The following NEIL3 variants were observed in gnomAD, a reference collection of about 807,000 sequenced individuals.
NEIL3 encodes the protein endonuclease 8-like 3.
NEIL3 carries 48 observed loss-of-function variants against 57.5 expected under a neutral mutation model. That is an observed-to-expected ratio of 0.83 (90% confidence interval 0.66 to 1.06). The LOEUF is 1.06. NEIL3 is among the 50% of genes least tolerant of loss of function. NEIL3 has a pLI of 0.00. For missense variants in NEIL3, 717 were observed against 739.1 expected, an observed-to-expected ratio of 0.97 and a Z score of 0.35; for synonymous variants, 261 against 253.2, an observed-to-expected ratio of 1.03 and a Z score of -0.29.
At chr4:177,324,820 A>ACACTGG in intron 2 of NEIL3, among the ~76,000 whole-genome samples, 1 of 152,270 alleles carries the variant, frequency 6.6e-6, no homozygotes, top group South Asian at 2.1e-4. Context: ...TTGGATGCAT[A>ACACTGG]CAATGCCACA....
At chr4:177,312,269 G>C (rs1734491717) in intron 1 of NEIL3, among the ~76,000 whole-genome samples, 1 of 152,100 alleles carries the variant, frequency 6.6e-6, no homozygotes, top group Non-Finnish European at 1.5e-5. Flanking sequence ...GGCTAAACCA[G>C]GGTTTGATTT....
chr4:177,328,142 G>A (rs1322158360), intron 2 of NEIL3, among the ~76,000 whole-genome samples: 1 of 152,142 alleles, frequency 6.6e-6, no homozygotes, highest in Non-Finnish European at 1.5e-5. Flanking sequence ...TGTATTTGGA[G>A]TTCCAGAAAG....
downstream of NEIL3, among the ~76,000 whole-genome samples, chr4:177,366,151 T>A (rs1461365418): frequency 6.6e-6 from 1 of 152,164 alleles, no homozygotes; most frequent in East Asian, 1.9e-4. Flanking sequence ...GAATATAAAA[T>A]TTTTTTCCTT....
chr4:177,355,162 A>G (rs1735446877), intron 8 of NEIL3, among the ~76,000 whole-genome samples: 1 of 152,196 alleles, frequency 6.6e-6, no homozygotes, highest in Admixed American at 6.5e-5. Flanking sequence ...TTCAGAAAGC[A>G]GCTGACTTAC....
chr4:177,336,385 G>T (rs1344824556), intron 4 of NEIL3, 64 bp downstream of exon 4: 1 of 1,280,690 alleles, frequency 7.8e-7, no homozygotes, highest in African/African-American at 1.5e-5. Context: ...AACCAACGTG[G>T]AAGCCTTAAC....
At chr4:177,344,152 C>T (rs1735162310) in intron 6 of NEIL3, among the ~76,000 whole-genome samples, 1 of 152,004 alleles carries the variant, frequency 6.6e-6, no homozygotes, top group South Asian at 2.1e-4. Flanking sequence ...CCTTGTAATC[C>T]CTCTTCCCTC....
chr4:177,367,389 GTTCT>G (rs71599303), downstream of NEIL3, among the ~76,000 whole-genome samples: 31,741 of 151,818 alleles, frequency 0.21, 4,084 homozygotes, highest in East Asian at 0.69. Context: ...ATGCAGTTCT[GTTCT>G]TTCTTCTGAT....
chr4:177,370,184 A>C, the NEIL3 span, among the ~76,000 whole-genome samples: 1 of 152,246 alleles, frequency 6.6e-6, no homozygotes, highest in East Asian at 1.9e-4. Context: ...GAAAGAACTC[A>C]TAAAAGTCCT....
chr4:177,357,363 G>A (rs1735495841), intron 8 of NEIL3, among the ~76,000 whole-genome samples: 1 of 151,394 alleles, frequency 6.6e-6, no homozygotes, highest in Non-Finnish European at 1.5e-5. Flanking sequence ...AGTTTTTTGT[G>A]TGATTTTTTT....
At position 177,353,716 on chromosome 4, in the gene NEIL3, G is replaced by C. The variant is rs879371299; in HGVS notation, c.1448G>C (p.Gly483Ala). The C allele has an allele frequency of 6.2e-7, 1 of 1,609,694 alleles. No homozygotes were observed. Among genetic ancestry groups the C allele is most frequent in the Non-Finnish European group, 8.5e-7 (1 of 1,178,886 alleles). ...SSPELKSCNP[G>A]YSNSELQINM... is the part of the protein sequence containing the mutation. ...CCAGAGCTTAAAAGCTGCAACCCTG[G>C]ATATTCTAACAGGTATGATGCTTTT... Residue 483 changes from glycine to alanine, a missense_variant, in exon 8 of 10, where the codon GGA becomes GCA. Physicochemically the swap from Gly to Ala is moderately conservative, Grantham distance 60. Transcript: ENST00000264596.
chr4:177,362,441 G>T lies in NEIL3; in HGVS notation c.1788G>T (p.Gly596=). ...ATTTTTTCCAGTGGGCAGAAAATGGGCCAGGAATAAAAATTATTCCTGGAT... is the reference window on the plus strand; with the variant it reads ...ATTTTTTCCAGTGGGCAGAAAATGGTCCAGGAATAAAAATTATTCCTGGAT... ...QCNFFQWAEN[G]PGIKIIPGC is the part of the protein sequence containing the mutation. The change falls in exon 10 of 10, where the codon GGG becomes GGT. Residue 596 remains glycine, a synonymous_variant. Transcript: ENST00000264596. 1.2e-6 allele frequency: 2 copies of T among 1,612,798 alleles called. No individual in the cohort carries two copies. Among genetic ancestry groups the T allele is most frequent in the East Asian group, 2.2e-5 (1 of 44,822 alleles).
Position 177,336,094 on chromosome 4 carries a change from A to G in NEIL3, c.414-14A>G, listed in dbSNP as rs764422222. 6.3e-7 allele frequency: 1 copy of G among 1,577,568 alleles called. No individual in the cohort carries two copies. The highest frequency in any genetic ancestry group is 1.1e-5 in the South Asian group (1 of 89,962). The stretch of plus-strand genomic sequence containing the variant: ...CAGACTTATGATTAATGTGTTTTAT[A>G]TTCCTTTCTATAGAAACTCAATGGA... On this transcript the variant is annotated splice_polypyrimidine_tract_variant and intron_variant, in intron 3 of 9. Transcript: ENST00000264596.
intron 4 of NEIL3, among the ~76,000 whole-genome samples, chr4:177,339,026 T>C (rs1282110497): frequency 6.6e-6 from 1 of 152,224 alleles, no homozygotes. Flanking sequence ...AAAATATAAC[T>C]ACTGTTAATG....
intron 2 of NEIL3, among the ~76,000 whole-genome samples, chr4:177,332,970 AG>A (rs1355898984): frequency 2.6e-5 from 4 of 151,908 alleles, no homozygotes; most frequent in Admixed American, 2.6e-4. Flanking sequence ...TCCTTGTTGG[AG>A]CGGTAGCTAT....
rs532024097 is a variant in NEIL3 at position 177,328,966 on chromosome 4, C to T, written c.278+6386C>T. Among the ~76,000 whole-genome samples, 6 of 152,216 alleles carry T rather than the reference C, an allele frequency of 3.9e-5. No individual in the cohort carries two copies. In the South Asian group the frequency reaches 1.2e-3, roughly 32 times the overall value. ...ATATGCATATCATTTGAAGATATCA[C>T]TGAGATAACTTGTATCTCAGTAATA... On this transcript the variant is annotated intron_variant, in intron 2 of 9. Transcript: ENST00000264596.
chr4:177,347,535 G>C (rs1351528819), intron 6 of NEIL3, among the ~76,000 whole-genome samples: 1 of 152,210 alleles, frequency 6.6e-6, no homozygotes, highest in East Asian at 1.9e-4. Flanking sequence ...AGCATGAAGT[G>C]ACTTGGGTTT....
chr4:177,334,593 A>G (rs2048076), intron 2 of NEIL3, among the ~76,000 whole-genome samples: 88,212 of 151,992 alleles, frequency 0.58, 26,526 homozygotes, highest in African/African-American at 0.75. Flanking sequence ...TTGAACTTCC[A>G]TAAGTTAAAT....
intron 8 of NEIL3, among the ~76,000 whole-genome samples, chr4:177,358,846 C>T (rs984178683): frequency 6.6e-6 from 1 of 152,088 alleles, no homozygotes; most frequent in African/African-American, 2.4e-5. Context: ...CCAAAACAGC[C>T]GCCTCTAAAA....
intron 5 of NEIL3, 33 bp downstream of exon 5, chr4:177,339,890 TAAAA>T (rs769069645): frequency 7.5e-6 from 11 of 1,466,362 alleles, no homozygotes; most frequent in Admixed American, 3.4e-5. Context: ...GTGTAAAATG[TAAAA>T]TGTCAGTGGT....
Sources: allele counts gnomAD v4.1 joint callset (sites outside exome capture counted in the v4.1 genomes callset), GRCh38; gene constraint gnomAD v4.1.1; transcripts MANE v1.5; gene names NCBI Gene and HGNC (gene_info 2026-07-23, HGNC 2026-07-21).